Variants in RABGAP1 observed in about 807,000 individuals in gnomAD.
RABGAP1 encodes RAB GTPase activating protein 1, also known as rab GTPase-activating protein 1.
RABGAP1 carries 23 observed loss-of-function variants against 137.6 expected under a neutral mutation model. The observed-to-expected ratio is 0.17, with a 90% CI of 0.12 to 0.24. The LOEUF (loss-of-function observed/expected upper bound fraction) is 0.24. Among genes scored for constraint, RABGAP1 ranks in the 10% least tolerant of loss-of-function variants. The pLI is 1.00. For missense variants in RABGAP1, 906 were observed against 1,275.8 expected (o/e 0.71, Z 4.42); for synonymous variants, 451 against 450.7 (o/e 1.00, Z -0.01).
chr9:123,083,015 A>G (rs1361556841), intron 19 of RABGAP1, among the ~76,000 whole-genome samples: 1 of 152,242 alleles, frequency 6.6e-6, no homozygotes, highest in East Asian at 1.9e-4. Context: ...AATCATACAC[A>G]GTGCTCTCAT....
At chr9:122,970,291 G>C (rs893318484) in intron 2 of RABGAP1, among the ~76,000 whole-genome samples, 4 of 152,028 alleles carry the variant, frequency 2.6e-5, no homozygotes, top group East Asian at 1.9e-4. Flanking sequence ...ACCATGAGTT[G>C]GGTGTGATAG....
intron 1 of RABGAP1, chr9:122,945,543 C>T (rs558405222): frequency 6.0e-4 from 92 of 152,240 alleles, no homozygotes; most frequent in African/African-American, 2.1e-3. Context: ...TTTTAAGCTC[C>T]TGCCTGACAT....
intron 11 of RABGAP1, among the ~76,000 whole-genome samples, chr9:123,012,869 C>T (rs774168290): frequency 3.9e-5 from 6 of 152,218 alleles, no homozygotes; most frequent in African/African-American, 9.6e-5. Context: ...TTCTCCCTAA[C>T]GCAGTGTACA....
At chr9:122,956,457 T>C (rs891922521) in intron 1 of RABGAP1, among the ~76,000 whole-genome samples, 1 of 152,152 alleles carries the variant, frequency 6.6e-6, no homozygotes, top group Non-Finnish European at 1.5e-5. Context: ...AAGACCATCC[T>C]GGCTAACACG....
chr9:123,098,920 T>G, intron 23 of RABGAP1, 122 bp downstream of exon 23: 3 of 600,092 alleles, frequency 5.0e-6, no homozygotes, highest in Non-Finnish European at 8.9e-6. Flanking sequence ...ATCCTGGCTC[T>G]GCCCCTGCAC....
In RABGAP1 at chr9:123,057,781, G is replaced by A. The variant is rs891957412; in HGVS notation, c.1795-7567G>A. On this transcript the variant is annotated intron_variant, in intron 13 of 25. Transcript: ENST00000373647. ...GGGCACCATTGAGCACTGAGTGAAC[G>A]AGACTCCGTCTGCAATCCCAGCACC... 5.9e-5 allele frequency among the ~76,000 whole-genome samples: 9 copies of A among 152,320 alleles called. No individual in the cohort carries two copies. In the East Asian group the frequency reaches 7.7e-4, roughly 13 times the overall value.
chr9:123,088,598 G>A (rs1489593922), intron 19 of RABGAP1, among the ~76,000 whole-genome samples: 1 of 152,034 alleles, frequency 6.6e-6, no homozygotes, highest in African/African-American at 2.4e-5. Context: ...TGGGGCGGGA[G>A]GATCAACTTG....
chr9:122,952,811 C>G (rs1272105945), intron 1 of RABGAP1, among the ~76,000 whole-genome samples: 1 of 152,174 alleles, frequency 6.6e-6, no homozygotes, highest in African/African-American at 2.4e-5. Flanking sequence ...AGGATCTAGG[C>G]TCATCACTTC....
intron 13 of RABGAP1, among the ~76,000 whole-genome samples, chr9:123,036,857 G>T: frequency 6.6e-6 from 1 of 151,622 alleles, no homozygotes; most frequent in Admixed American, 6.6e-5. Flanking sequence ...AAACCTATAG[G>T]ATTTTATAAT....
intron 10 of RABGAP1, among the ~76,000 whole-genome samples, chr9:123,007,525 G>A (rs1054261771): frequency 1.3e-5 from 2 of 148,454 alleles, no homozygotes; most frequent in African/African-American, 2.5e-5. Flanking sequence ...CCACAGATGC[G>A]CACCACCACA....
chr9:123,052,345 A>G (rs78721535), intron 13 of RABGAP1, among the ~76,000 whole-genome samples: 3,498 of 152,298 alleles, frequency 0.023, 142 homozygotes, highest in African/African-American at 0.08. Context: ...ATAGACCTAC[A>G]TGTTGTTACT....
At chr9:122,986,682 T>G (rs1836389061) in intron 4 of RABGAP1, among the ~76,000 whole-genome samples, 1 of 152,214 alleles carries the variant, frequency 6.6e-6, no homozygotes, top group Non-Finnish European at 1.5e-5. Context: ...TATATTGACA[T>G]GAGTCAGCCT....
intron 1 of RABGAP1, among the ~76,000 whole-genome samples, chr9:122,948,920 G>A (rs1263820763): frequency 2.0e-5 from 3 of 152,126 alleles, no homozygotes; most frequent in African/African-American, 2.4e-5. Flanking sequence ...AACACTGCCC[G>A]TAAGTAAGGA....
chr9:123,021,723 A>AT (rs1412723623), intron 13 of RABGAP1, among the ~76,000 whole-genome samples: 5 of 152,042 alleles, frequency 3.3e-5, no homozygotes, highest in Non-Finnish European at 4.4e-5. Flanking sequence ...ATCCAGACAG[A>AT]TTTTTTTTGT....
At chr9:123,035,367 A>G (rs2032577329) in intron 13 of RABGAP1, 6 of 1,614,022 alleles carry the variant, frequency 3.7e-6, no homozygotes, top group East Asian at 2.2e-5. Flanking sequence ...TCTGGTTGCC[A>G]TATATCATCT....
intron 14 of RABGAP1, among the ~76,000 whole-genome samples, chr9:123,068,954 AAAGGGAGTTTCAC>A (rs1472499648): frequency 2.0e-5 from 3 of 152,254 alleles, no homozygotes; most frequent in African/African-American, 7.2e-5. Flanking sequence ...AGTGGAAAAC[AAAGGGAGTTTCAC>A]AAGAAATAAA....
chr9:123,057,196 G>C (rs1394604060), intron 13 of RABGAP1, among the ~76,000 whole-genome samples: 2 of 151,912 alleles, frequency 1.3e-5, no homozygotes, highest in Admixed American at 6.5e-5. Context: ...GCCGGGCGGA[G>C]ACGCTCCTCA....
chr9:122,986,545 C>T, intron 4 of RABGAP1, 126 bp downstream of exon 4: 2 of 1,037,484 alleles, frequency 1.9e-6, no homozygotes, highest in Non-Finnish European at 2.8e-6. Context: ...TTTCATTTAC[C>T]TGGCACTCAT....
intron 2 of RABGAP1, among the ~76,000 whole-genome samples, chr9:122,969,703 C>A (rs1835371502): frequency 6.7e-6 from 1 of 148,798 alleles, no homozygotes. Context: ...ATTTTTTTTG[C>A]CATTTCAATG....
Sources: gnomAD v4.1 joint callset for allele counts (sites outside exome capture counted in the v4.1 genomes callset) on GRCh38, gnomAD v4.1.1 for gene constraint, MANE v1.5 for transcripts, NCBI Gene and HGNC (gene_info 2026-07-23, HGNC 2026-07-21) for gene names.